The following ITPRID1 variants were observed in gnomAD, a reference collection of about 807,000 sequenced individuals.
ITPRID1 encodes the protein ITPR interacting domain containing 1.
ITPRID1 carries 96 observed loss-of-function variants against 95.4 expected under a neutral mutation model. The ratio of observed to expected loss-of-function variants is 1.01; its 90% CI spans 0.85 to 1.19. ITPRID1 has a LOEUF of 1.19. ITPRID1 is among the 50% of genes most tolerant of loss of function. ITPRID1 has a pLI of 0.00. For missense variants in ITPRID1, 1,339 were observed against 1,252.9 expected, an observed-to-expected ratio of 1.07 and a Z score of -1.04; for synonymous variants, 510 against 453.6, an observed-to-expected ratio of 1.12 and a Z score of -1.58.
chr7:31,580,651 AC>A (rs1453866822), intron 9 of ITPRID1, among the ~76,000 whole-genome samples: 1 of 148,672 alleles, frequency 6.7e-6, no homozygotes, highest in African/African-American at 2.5e-5. Flanking sequence ...GTAGAAACAC[AC>A]TCAGACACCA....
chr7:31,528,402 T>C (rs1236436035), intron 1 of ITPRID1, among the ~76,000 whole-genome samples: 2 of 152,208 alleles, frequency 1.3e-5, no homozygotes, highest in South Asian at 4.1e-4. Context: ...AAAGTATGCT[T>C]TGTCATTAGC....
chr7:31,617,186 G>T (rs1041947068), intron 10 of ITPRID1, among the ~76,000 whole-genome samples: 2 of 152,118 alleles, frequency 1.3e-5, no homozygotes, highest in African/African-American at 4.8e-5. Context: ...GCCTGGAGAA[G>T]GGAAGATCCT....
chr7:31,596,164 A>C (rs1371513666), intron 10 of ITPRID1, among the ~76,000 whole-genome samples: 1 of 151,432 alleles, frequency 6.6e-6, no homozygotes, highest in Non-Finnish European at 1.5e-5. Context: ...AAGTAACATA[A>C]TAGAAAAGAT....
intron 10 of ITPRID1, among the ~76,000 whole-genome samples, chr7:31,627,183 C>G (rs1788541285): frequency 6.6e-6 from 1 of 152,168 alleles, no homozygotes; most frequent in Admixed American, 6.5e-5. Context: ...TCCCCGTTGT[C>G]CATGCAGTGC....
chr7:31,514,792 G>C (rs778496248), intron 1 of ITPRID1, among the ~76,000 whole-genome samples: 17 of 151,906 alleles, frequency 1.1e-4, no homozygotes, highest in Non-Finnish European at 2.4e-4. Flanking sequence ...AGACTAGATA[G>C]CATATTTGCA....
chr7:31,619,981 A>G (rs1168348974), intron 10 of ITPRID1, among the ~76,000 whole-genome samples: 2 of 152,162 alleles, frequency 1.3e-5, no homozygotes, highest in East Asian at 3.9e-4. Context: ...GGCGGGTCCT[A>G]CGCCCACGGA....
At chr7:31,634,823 G>C (rs529907303) in intron 10 of ITPRID1, among the ~76,000 whole-genome samples, 1 of 152,356 alleles carries the variant, frequency 6.6e-6, no homozygotes, top group South Asian at 2.1e-4. Flanking sequence ...GTAGGTGCCA[G>C]GTGGGAAGTC....
At position 31,642,923 on chromosome 7, in the gene ITPRID1, A is replaced by C; in HGVS notation, c.1553A>C (p.Tyr518Ser). 6.2e-7 allele frequency: 1 copy of C among 1,614,044 alleles called. No homozygotes were observed. The highest frequency in any genetic ancestry group is 8.5e-7 in the Non-Finnish European group (1 of 1,179,890). Residue 518 changes from tyrosine (Y) to serine (S), a missense_variant, in exon 12 of 15, where the codon TAT becomes TCT. Tyr to Ser is a moderately radical substitution (Grantham distance 144, BLOSUM62 -2). Coordinates refer to ENST00000615280, the MANE Select transcript of ITPRID1 (RefSeq NM_001257967.3). ...LEAMEGPPEL[Y>S]IPDMACAKTT... Reference sequence around the variant, plus strand: ...GCCATGGAGGGGCCACCAGAGCTGTATATCCCAGACATGGCCTGTGCCAAG... The same window carrying C: ...GCCATGGAGGGGCCACCAGAGCTGTCTATCCCAGACATGGCCTGTGCCAAG...
In ITPRID1 at chr7:31,583,030, T is replaced by G; in HGVS notation, c.1171-104T>G. 14 of 734,384 alleles carry G rather than the reference T, an allele frequency of 1.9e-5. No individual in the cohort carries two copies. In the African/African-American group the frequency reaches 2.3e-4, roughly 12 times the overall value. The allele number at this position is 734,384 out of a possible 1,614,324, so 45.5% of individuals were successfully genotyped here. ...CAAGTTATTTGAGTTCAGGAACTCA[T>G]GTTTATCCCTCTTATCAGTTGCCAG... On this transcript the variant is annotated intron_variant, in intron 9 of 14. Transcript: ENST00000615280.
chr7:31,612,858 C>T (rs544607799), intron 10 of ITPRID1, among the ~76,000 whole-genome samples: 6 of 152,236 alleles, frequency 3.9e-5, no homozygotes, highest in East Asian at 1.9e-4. Flanking sequence ...TAGATCCACA[C>T]GAATATGTCA....
Position 31,621,703 on chromosome 7 carries a change from G to A in ITPRID1, c.1229-20473G>A, listed in dbSNP as rs1297419220. 1.8e-4 allele frequency among the ~76,000 whole-genome samples: 26 copies of A among 144,192 alleles called. No individual in the cohort carries two copies. In the East Asian group the frequency reaches 3.0e-3, roughly 16 times the overall value. The allele number at this position is 144,192 out of a possible 152,430, so 94.6% of individuals were successfully genotyped here. ...CTAGCAATAAACTGCATCAACTAAC[G>A]AGCAAAATAACCAGCTAACATCATA... is the stretch of plus-strand genomic sequence containing the variant. On this transcript the variant is annotated intron_variant, in intron 10 of 14. Transcript: ENST00000615280.
At chr7:31,555,858 A>G (rs1403372820) in intron 5 of ITPRID1, among the ~76,000 whole-genome samples, 1 of 152,178 alleles carries the variant, frequency 6.6e-6, no homozygotes. Context: ...GAAAACCTAT[A>G]TGTATCATTG....
At chr7:31,613,036 C>G (rs1786950114) in intron 10 of ITPRID1, among the ~76,000 whole-genome samples, 1 of 152,144 alleles carries the variant, frequency 6.6e-6, no homozygotes, top group Non-Finnish European at 1.5e-5. Flanking sequence ...AAAGACAGGC[C>G]TACTGAATGG....
At chr7:31,645,902 A>T (rs550467665) in intron 12 of ITPRID1, among the ~76,000 whole-genome samples, 28 of 152,240 alleles carry the variant, frequency 1.8e-4, no homozygotes, top group Admixed American at 6.5e-4. Flanking sequence ...CAGCTCTAAG[A>T]GAATAAACAT....
At chr7:31,637,962 C>A (rs1485377920) in intron 10 of ITPRID1, among the ~76,000 whole-genome samples, 1 of 152,170 alleles carries the variant, frequency 6.6e-6, no homozygotes, top group Non-Finnish European at 1.5e-5. Context: ...GATGGCTAGC[C>A]AGTTTTCCCA....
Position 31,592,178 on chromosome 7 carries a change from C to T in ITPRID1, c.1228+8987C>T, listed in dbSNP as rs187351167. ...AACAGGACTCCCCAGGTATATCATCCACTACCTTTCCAGGACAATGTCCTC... is the reference window on the plus strand; with the variant it reads ...AACAGGACTCCCCAGGTATATCATCTACTACCTTTCCAGGACAATGTCCTC... On this transcript the variant is annotated intron_variant, in intron 10 of 14. Coordinates refer to ENST00000615280, the MANE Select transcript of ITPRID1 (RefSeq NM_001257967.3). 7.7e-4 allele frequency among the ~76,000 whole-genome samples: 117 copies of T among 152,260 alleles called. No homozygotes were observed. The Middle Eastern group carries it at 0.014, about 18-fold the overall frequency.
At chr7:31,638,170 A>G (rs1284871430) in intron 10 of ITPRID1, among the ~76,000 whole-genome samples, 11 of 152,242 alleles carry the variant, frequency 7.2e-5, no homozygotes, top group Non-Finnish European at 1.0e-4. Flanking sequence ...TTTTGTACCC[A>G]CAGTTGATAT....
chr7:31,654,072 A>C lies in ITPRID1; in HGVS notation c.*1243A>C, dbSNP rs76278367. ...TAAGTCCAAAAAAAAAAAAAAAAAA[A>C]CCAACAAGCAAATAATTACAATCCT... On this transcript the variant is annotated 3_prime_UTR_variant, in exon 15 of 15. Transcript: ENST00000615280. Among the ~76,000 whole-genome samples, 41 of 130,894 alleles carry C rather than the reference A, an allele frequency of 3.1e-4. No individual in the cohort carries two copies. Among genetic ancestry groups the C allele is most frequent in the Non-Finnish European group, 1.7e-4 (10 of 60,502 alleles). 85.9% of individuals were successfully genotyped at this position (130,894 alleles called of 152,430 possible). A position where few individuals can be genotyped will look rare whatever the true frequency, so the allele number is the denominator to read the frequency against.
chr7:31,640,465 GCT>G (rs1237844387), intron 10 of ITPRID1, among the ~76,000 whole-genome samples: 1 of 152,156 alleles, frequency 6.6e-6, no homozygotes, highest in Non-Finnish European at 1.5e-5. Flanking sequence ...TGGACTCCTA[GCT>G]CTGTTTCCTC....
Sources: gnomAD v4.1 joint callset for allele counts (sites outside exome capture counted in the v4.1 genomes callset) on GRCh38, gnomAD v4.1.1 for gene constraint, MANE v1.5 for transcripts, NCBI Gene and HGNC (gene_info 2026-07-23, HGNC 2026-07-21) for gene names.